The following KCNMA1 variants were observed in gnomAD, a reference collection of about 807,000 sequenced individuals.
The protein encoded by KCNMA1 is potassium calcium-activated channel subfamily M alpha 1.
KCNMA1 carries 29 observed loss-of-function variants against 140.0 expected under a neutral mutation model. The observed-to-expected ratio is 0.21, with a 90% CI of 0.15 to 0.28. The LOEUF (loss-of-function observed/expected upper bound fraction) is 0.28, where lower values mean the gene tolerates loss of function less well. Among genes scored for constraint, KCNMA1 ranks in the 10% least tolerant of loss-of-function variants. KCNMA1 has a pLI of 1.00. For missense variants in KCNMA1, 880 were observed against 1,602.2 expected, an observed-to-expected ratio of 0.55 and a Z score of 7.70; for synonymous variants, 612 against 611.9, an observed-to-expected ratio of 1.00 and a Z score of 0.00.
intron 1 of KCNMA1, among the ~76,000 whole-genome samples, chr10:77,516,364 C>G (rs1344386671): frequency 6.6e-6 from 1 of 152,170 alleles, no homozygotes; most frequent in Non-Finnish European, 1.5e-5. Context: ...TTCCCATTCC[C>G]TGTTTCATTT....
intron 1 of KCNMA1, among the ~76,000 whole-genome samples, chr10:77,437,430 T>A (rs1443845908): frequency 6.6e-6 from 1 of 152,242 alleles, no homozygotes; most frequent in Non-Finnish European, 1.5e-5. Context: ...GCTGCTGTGC[T>A]ATGGTGGTGG....
chr10:77,224,977 G>C (rs553753584), intron 3 of KCNMA1, among the ~76,000 whole-genome samples: 1 of 152,310 alleles, frequency 6.6e-6, no homozygotes, highest in East Asian at 1.9e-4. Context: ...CCCCTTGAAG[G>C]TGGGAAACTT....
chr10:77,082,340 T>G (rs2096601154), intron 12 of KCNMA1, among the ~76,000 whole-genome samples: 1 of 152,126 alleles, frequency 6.6e-6, no homozygotes, highest in Non-Finnish European at 1.5e-5. Context: ...GACCAGTAAT[T>G]TCTATGCCTC....
Position 76,969,300 on chromosome 10 carries a change from G to GGGAAGGAAGGAAGGAAGGAAGGGAGGAA in KCNMA1, c.2360+673_2360+674insTTCCTCCCTTCCTTCCTTCCTTCCTTCC, listed in dbSNP as rs1555014651. ...GGGGAAGAAGGGAAGGAAGGAAGGAGGGAAGGAAGGAAGGAAGGAAGGAAG... is the reference window on the plus strand; with the variant it reads ...GGGGAAGAAGGGAAGGAAGGAAGGAGGGAAGGAAGGAAGGAAGGAAGGGAGGAAGGAAGGAAGGAAGGAAGGAAGGAAG... On this transcript the variant is annotated intron_variant, in intron 20 of 27. Transcript: ENST00000286628. Among the ~76,000 whole-genome samples, 99 of 109,352 alleles carry GGGAAGGAAGGAAGGAAGGAAGGGAGGAA rather than the reference G, an allele frequency of 9.1e-4. 3 individuals carry two copies. Among genetic ancestry groups the GGGAAGGAAGGAAGGAAGGAAGGGAGGAA allele is most frequent in the East Asian group, 3.9e-3 (13 of 3,316 alleles). 71.7% of individuals were successfully genotyped at this position (109,352 alleles called of 152,430 possible).
intron 2 of KCNMA1, among the ~76,000 whole-genome samples, chr10:77,396,491 T>A (rs968372259): frequency 1.3e-5 from 2 of 152,204 alleles, no homozygotes; most frequent in African/African-American, 4.8e-5. Context: ...TGCCCATGTG[T>A]ACTCCCACTG....
intron 2 of KCNMA1, among the ~76,000 whole-genome samples, chr10:77,261,312 GAC>G (rs763665970): frequency 1.3e-5 from 2 of 152,262 alleles, no homozygotes; most frequent in East Asian, 3.9e-4. Flanking sequence ...CATGCAGATA[GAC>G]ACAGTGTCTG....
downstream of KCNMA1, among the ~76,000 whole-genome samples, chr10:76,882,874 G>A (rs2035226482): frequency 6.6e-6 from 1 of 152,220 alleles, no homozygotes. Context: ...ACAAAGCAGG[G>A]ATGGGCTGAA....
chr10:77,435,110 T>A (rs1007508975), intron 1 of KCNMA1, among the ~76,000 whole-genome samples: 2 of 151,652 alleles, frequency 1.3e-5, no homozygotes, highest in African/African-American at 4.9e-5. Context: ...ATTTTTTTTT[T>A]AATTTTTTGT....
At chr10:77,487,684 C>T (rs1475976922) in intron 1 of KCNMA1, among the ~76,000 whole-genome samples, 1 of 152,130 alleles carries the variant, frequency 6.6e-6, no homozygotes, top group Non-Finnish European at 1.5e-5. Flanking sequence ...GTGCATGGGA[C>T]AGAGTAAGTA....
chr10:77,118,335 T>A (rs2097527762), intron 6 of KCNMA1, among the ~76,000 whole-genome samples: 2 of 152,354 alleles, frequency 1.3e-5, no homozygotes, highest in African/African-American at 4.8e-5. Flanking sequence ...CACTTGGGGA[T>A]GCCCAAAAGG....
At chr10:76,945,031 G>T in intron 22 of KCNMA1, 66 bp from the exon 23 acceptor site, 1 of 1,290,874 alleles carries the variant, frequency 7.7e-7, no homozygotes. Flanking sequence ...GAGAGAGAGA[G>T]GAGCAAAAGT....
intron 2 of KCNMA1, among the ~76,000 whole-genome samples, chr10:77,358,477 C>T (rs1335043824): frequency 6.6e-6 from 1 of 152,168 alleles, no homozygotes; most frequent in East Asian, 1.9e-4. Context: ...CCTTCTAATA[C>T]ATGGCACCAA....
chr10:77,338,343 C>G (rs539421233), intron 2 of KCNMA1, among the ~76,000 whole-genome samples: 1 of 44,968 alleles, frequency 2.2e-5, no homozygotes, highest in Non-Finnish European at 4.8e-5. Flanking sequence ...GGGTTGGATC[C>G]CTGGCTCAAT....
chr10:77,563,977 A>C (rs1056865381), intron 1 of KCNMA1, among the ~76,000 whole-genome samples: 7 of 152,344 alleles, frequency 4.6e-5, no homozygotes, highest in African/African-American at 1.7e-4. Flanking sequence ...AAGGGGAATC[A>C]CAGATGTGAA....
downstream of KCNMA1, among the ~76,000 whole-genome samples, chr10:76,880,443 T>G (rs537660084): frequency 9.8e-5 from 15 of 152,300 alleles, no homozygotes; most frequent in African/African-American, 3.4e-4. Flanking sequence ...GCTGTTTAAT[T>G]TGGGTGCCTC....
At chr10:77,486,284 G>C (rs1269361205) in intron 1 of KCNMA1, among the ~76,000 whole-genome samples, 2 of 152,096 alleles carry the variant, frequency 1.3e-5, no homozygotes, top group African/African-American at 2.4e-5. Context: ...CCACCAAGTA[G>C]AGCAGGACCG....
chr10:77,493,748 C>A (rs2040795642), intron 1 of KCNMA1: 1 of 152,206 alleles, frequency 6.6e-6, no homozygotes, highest in South Asian at 2.1e-4. Context: ...TAGCCGAGGA[C>A]ACAAGACTGG....
chr10:77,434,198 C>T (rs1418690241), intron 1 of KCNMA1, among the ~76,000 whole-genome samples: 1 of 152,238 alleles, frequency 6.6e-6, no homozygotes, highest in Non-Finnish European at 1.5e-5. Context: ...GGCCTTGGCA[C>T]ATCTAGACAT....
At chr10:77,268,465 G>A (rs538572555) in intron 2 of KCNMA1, among the ~76,000 whole-genome samples, 7 of 152,184 alleles carry the variant, frequency 4.6e-5, no homozygotes, top group East Asian at 3.9e-4. Flanking sequence ...GTCTGGCATT[G>A]AACATGATTA....
Sources: allele counts gnomAD v4.1 joint callset (sites outside exome capture counted in the v4.1 genomes callset), GRCh38; gene constraint gnomAD v4.1.1; transcripts MANE v1.5; gene names NCBI Gene and HGNC (gene_info 2026-07-23, HGNC 2026-07-21).